A1CF: variants seen among roughly 807,000 people sequenced by gnomAD.
A1CF encodes APOBEC-1 stimulating protein.
Under a neutral mutation model 68.9 loss-of-function variants are expected in A1CF, and 48 were observed. The ratio of observed to expected loss-of-function variants is 0.70; its 90% CI spans 0.55 to 0.89. The LOEUF (loss-of-function observed/expected upper bound fraction) is 0.89. Ranked by LOEUF, A1CF falls within the 40% of genes least tolerant of loss-of-function variation. The pLI, the probability that A1CF is intolerant of heterozygous loss-of-function variation, is 0.00. For synonymous variants in A1CF, 272 were observed against 260.4 expected (o/e 1.04, Z -0.43); for missense variants, 653 against 718.9 (o/e 0.91, Z 1.05).
Position 50,803,271 on chromosome 10 carries a change from T to G in A1CF, c.*3458A>C, listed in dbSNP as rs1371168170. On this transcript the variant is annotated 3_prime_UTR_variant, in exon 13 of 13. Coordinates refer to ENST00000373997, the MANE Select transcript of A1CF (RefSeq NM_014576.4). ...AACTGGCCAATTAAATTAAATTTGT[T>G]TTTTTTTTTTTTGTAGAGGCGGAGT... is the stretch of plus-strand genomic sequence containing the variant. 2.7e-5 allele frequency: 4 copies of G among 149,396 alleles called. No individual in the cohort carries two copies. The highest frequency in any genetic ancestry group is 4.5e-5 in the Non-Finnish European group (3 of 67,062). 9.3% of individuals were successfully genotyped at this position (149,396 alleles called of 1,614,324 possible). A position where few individuals can be genotyped will look rare whatever the true frequency, so the allele number is the denominator to read the frequency against.
At chr10:50,812,387 G>A (rs747923665) in intron 10 of A1CF, among the ~76,000 whole-genome samples, 2 of 152,184 alleles carry the variant, frequency 1.3e-5, no homozygotes, top group Non-Finnish European at 2.9e-5. Context: ...AGCCATAGTT[G>A]TAGAAGGTCA....
At chr10:50,873,847 A>G (rs1038243516) in intron 1 of A1CF, among the ~76,000 whole-genome samples, 11 of 152,326 alleles carry the variant, frequency 7.2e-5, no homozygotes, top group Admixed American at 1.3e-4. Context: ...GAAAATATCT[A>G]TAGAGAAAAG....
chr10:50,847,690 C>A (rs987857237), intron 3 of A1CF, among the ~76,000 whole-genome samples: 1 of 152,170 alleles, frequency 6.6e-6, no homozygotes, highest in African/African-American at 2.4e-5. Context: ...ATTTTTCTAG[C>A]CTTCCTTGCA....
intron 3 of A1CF, among the ~76,000 whole-genome samples, chr10:50,853,581 A>G (rs918608618): frequency 6.6e-6 from 1 of 152,122 alleles, no homozygotes; most frequent in Non-Finnish European, 1.5e-5. Context: ...GAATTAATAC[A>G]TGAACGAGTG....
At chr10:50,859,401 GAACA>G (rs979665285) in intron 3 of A1CF, among the ~76,000 whole-genome samples, 6 of 152,148 alleles carry the variant, frequency 3.9e-5, no homozygotes, top group Admixed American at 6.5e-5. Flanking sequence ...TGTTCTGAGA[GAACA>G]AACTGCAGCA....
At chr10:50,885,116 C>T (rs1841948444) in intron 1 of A1CF, among the ~76,000 whole-genome samples, 1 of 152,104 alleles carries the variant, frequency 6.6e-6, no homozygotes, top group Non-Finnish European at 1.5e-5. Context: ...GGTAGTAGCT[C>T]TGGAGATAAT....
chr10:50,869,799 T>C (rs926696311), intron 1 of A1CF, among the ~76,000 whole-genome samples: 4 of 152,082 alleles, frequency 2.6e-5, no homozygotes, highest in Non-Finnish European at 5.9e-5. Context: ...AAATATGCTT[T>C]GATTACACAA....
chr10:50,880,834 T>C (rs1033028129), intron 1 of A1CF, among the ~76,000 whole-genome samples: 3 of 152,202 alleles, frequency 2.0e-5, no homozygotes, highest in Non-Finnish European at 2.9e-5. Flanking sequence ...TATAAACCTC[T>C]GTTCCTTTAT....
At chr10:50,809,856 C>T (rs770218988) in intron 12 of A1CF, 38 bp downstream of exon 12, 3 of 1,612,090 alleles carry the variant, frequency 1.9e-6, no homozygotes, top group East Asian at 2.2e-5. Flanking sequence ...CCCAAATACT[C>T]TCTGCAGGGC....
chr10:50,799,782 A>C lies in A1CF; in HGVS notation c.*6947T>G, dbSNP rs772378986. 1.3e-5 allele frequency: 2 copies of C among 152,168 alleles called. No homozygotes were observed. Among genetic ancestry groups the C allele is most frequent in the Non-Finnish European group, 2.9e-5 (2 of 67,986 alleles). 9.4% of individuals were successfully genotyped at this position (152,168 alleles called of 1,614,324 possible). On this transcript the variant is annotated 3_prime_UTR_variant, in exon 13 of 13. Coordinates refer to ENST00000373997, the MANE Select transcript of A1CF (RefSeq NM_014576.4). Reference sequence around the variant, plus strand: ...AGATTGTTAAACATCTGGAAACTATAAATGCATTTTGCTGACAGCTTGCTT... The same window carrying C: ...AGATTGTTAAACATCTGGAAACTATCAATGCATTTTGCTGACAGCTTGCTT...
In A1CF at chr10:50,839,899, C is replaced by T. The variant is rs185067759; in HGVS notation, c.365+1963G>A. ...CTGGGACTACAGGCATGCGCCACCA[C>T]GCCCTGCTAATTTTGTATTTTTAGT... On this transcript the variant is annotated intron_variant, in intron 5 of 12. Transcript: ENST00000373997. Among the ~76,000 whole-genome samples, 96 of 152,198 alleles carry T rather than the reference C, an allele frequency of 6.3e-4. No individual in the cohort carries two copies. In the Middle Eastern group the frequency reaches 0.017, roughly 27 times the overall value.
At chr10:50,820,073 T>A (rs1482744662) in intron 8 of A1CF, among the ~76,000 whole-genome samples, 1 of 152,156 alleles carries the variant, frequency 6.6e-6, no homozygotes, top group African/African-American at 2.4e-5. Flanking sequence ...AACTCAGTAG[T>A]GAGGATATAG....
At chr10:50,819,031 TG>T (rs1279899244) in intron 8 of A1CF, among the ~76,000 whole-genome samples, 1 of 152,196 alleles carries the variant, frequency 6.6e-6, no homozygotes, top group African/African-American at 2.4e-5. Flanking sequence ...GAGACAACAG[TG>T]AATTCGGGGC....
intron 1 of A1CF, among the ~76,000 whole-genome samples, chr10:50,864,825 T>C (rs1230567917): frequency 1.3e-5 from 2 of 151,944 alleles, no homozygotes; most frequent in African/African-American, 4.8e-5. Flanking sequence ...TCCATGTTGG[T>C]CAGGCTGGTC....
At chr10:50,877,979 A>G (rs888406030) in intron 1 of A1CF, among the ~76,000 whole-genome samples, 2 of 152,126 alleles carry the variant, frequency 1.3e-5, no homozygotes, top group African/African-American at 2.4e-5. Flanking sequence ...AAAATTAGCC[A>G]GTTGTGGTGG....
At chr10:50,879,087 C>A (rs896052185) in intron 1 of A1CF, among the ~76,000 whole-genome samples, 1 of 152,102 alleles carries the variant, frequency 6.6e-6, no homozygotes, top group Non-Finnish European at 1.5e-5. Flanking sequence ...ACCCCGCATC[C>A]CAACTAATTT....
At chr10:50,864,182 T>C (rs921133619) in intron 1 of A1CF, 102 bp from the exon 2 acceptor site, 1 of 152,184 alleles carries the variant, frequency 6.6e-6, no homozygotes, top group Non-Finnish European at 1.5e-5. Context: ...TATATTCACA[T>C]ACTGTCTCTA....
intron 1 of A1CF, among the ~76,000 whole-genome samples, chr10:50,872,723 G>T (rs2132588684): frequency 6.6e-6 from 1 of 152,112 alleles, no homozygotes; most frequent in South Asian, 2.1e-4. Context: ...CTCCTTCGAG[G>T]AGTGGTGTGG....
In A1CF at chr10:50,859,983, T is replaced by C. The variant is rs1264488262; in HGVS notation, c.-43A>G. 4.7e-6 allele frequency: 7 copies of C among 1,501,028 alleles called. No individual in the cohort carries two copies. The highest frequency in any genetic ancestry group is 4.6e-6 in the Non-Finnish European group (5 of 1,079,186). The allele number at this position is 1,501,028 out of a possible 1,614,324, so 93.0% of individuals were successfully genotyped here. On this transcript the variant is annotated splice_region_variant and 5_prime_UTR_variant, in exon 3 of 13. Coordinates refer to ENST00000373997, the MANE Select transcript of A1CF (RefSeq NM_014576.4). ...AAAAAATCAGGTTAATTAGGGTTGC[T>C]CACTGAAACCAAATTTAAGATAAAT...
Sources: allele counts gnomAD v4.1 joint callset (sites outside exome capture counted in the v4.1 genomes callset), GRCh38; gene constraint gnomAD v4.1.1; transcripts MANE v1.5; gene names NCBI Gene and HGNC (gene_info 2026-07-23, HGNC 2026-07-21).